The following DNMBP variants were observed in gnomAD, a reference collection of about 807,000 sequenced individuals.
The protein encoded by DNMBP is dynamin-binding protein.
Under a neutral mutation model 150.0 loss-of-function variants are expected in DNMBP, and 87 were observed. That is an observed-to-expected ratio of 0.58 (90% CI 0.49 to 0.69). DNMBP has a LOEUF of 0.69. DNMBP is among the 30% of genes least tolerant of loss of function. The pLI is 0.00. For synonymous variants in DNMBP, 711 were observed against 750.4 expected (o/e 0.95, Z 0.86); for missense variants, 1,774 against 1,949.0 (o/e 0.91, Z 1.69).
At chr10:99,888,787 T>G in intron 12 of DNMBP, 38 bp downstream of exon 12, 1 of 1,612,488 alleles carries the variant, frequency 6.2e-7, no homozygotes, top group Non-Finnish European at 8.5e-7. Context: ...GAGATGACCC[T>G]GGGAAGGGGG....
chr10:99,915,101 A>AG (rs2039946711), intron 4 of DNMBP, among the ~76,000 whole-genome samples: 1 of 107,908 alleles, frequency 9.3e-6, no homozygotes, highest in Non-Finnish European at 1.9e-5. Context: ...TCTCAAAAAA[A>AG]AAAAAAAATA....
At chr10:99,894,783 A>G (rs147019175) in intron 11 of DNMBP, among the ~76,000 whole-genome samples, 163 bp downstream of exon 11, 9 of 152,344 alleles carry the variant, frequency 5.9e-5, no homozygotes, top group African/African-American at 2.2e-4. Flanking sequence ...AAATGCTATT[A>G]CTGTTAAATA....
At chr10:99,933,449 T>C (rs962637889) in intron 4 of DNMBP, among the ~76,000 whole-genome samples, 4 of 152,232 alleles carry the variant, frequency 2.6e-5, no homozygotes, top group Admixed American at 2.6e-4. Context: ...CATCAGGTAA[T>C]AAAGCTTATC....
At chr10:99,879,101 A>AAAAAAAAAAAAAAAAAAAAAAAAAAACC in intron 16 of DNMBP, among the ~76,000 whole-genome samples, 1 of 135,166 alleles carries the variant, frequency 7.4e-6, no homozygotes, top group East Asian at 2.0e-4. Flanking sequence ...AAAAAAAAAA[A>AAAAAAAAAAAAAAAAAAAAAAAAAAACC]CCCAAAACGT....
intron 1 of DNMBP, among the ~76,000 whole-genome samples, chr10:99,979,049 G>C (rs2040757192): frequency 6.6e-6 from 1 of 152,106 alleles, no homozygotes; most frequent in South Asian, 2.1e-4. Flanking sequence ...ACAGTTGGAT[G>C]AGAATTTACA....
intron 4 of DNMBP, among the ~76,000 whole-genome samples, chr10:99,952,623 G>T (rs949800219): frequency 6.6e-6 from 1 of 152,092 alleles, no homozygotes; most frequent in South Asian, 2.1e-4. Flanking sequence ...CCCTCCTACC[G>T]CACCATCTCT....
rs139448354 is a variant in DNMBP, at chr10:100,009,196, G to A, written c.-11+642C>T. Among the ~76,000 whole-genome samples, 25 of 152,270 alleles carry A rather than the reference G, an allele frequency of 1.6e-4. No individual in the cohort carries two copies. The East Asian group carries it at 4.5e-3, about 27-fold the overall frequency. ...AGTCTATACTCCTCATCTGCATCAGGCCCCGGCCTGTTTGGTAACCTCAAT... is the reference window on the plus strand; with the variant it reads ...AGTCTATACTCCTCATCTGCATCAGACCCCGGCCTGTTTGGTAACCTCAAT... On this transcript the variant is annotated intron_variant, in intron 1 of 16. Transcript: ENST00000324109.
chr10:99,891,802 G>A (rs1300501769), intron 11 of DNMBP, among the ~76,000 whole-genome samples: 5 of 150,920 alleles, frequency 3.3e-5, no homozygotes, highest in East Asian at 2.0e-4. Context: ...CGTCTGAGAC[G>A]TGGGGAGCGC....
chr10:99,941,265 TC>T (rs2040297757), intron 4 of DNMBP, among the ~76,000 whole-genome samples: 1 of 152,134 alleles, frequency 6.6e-6, no homozygotes, highest in African/African-American at 2.4e-5. Flanking sequence ...CTGGCCCATC[TC>T]CCTTGTCTTC....
intron 1 of DNMBP, among the ~76,000 whole-genome samples, chr10:99,999,377 A>T (rs1055276860): frequency 5.3e-5 from 8 of 152,240 alleles, no homozygotes; most frequent in Admixed American, 3.9e-4. Context: ...GAAGATTCTA[A>T]CAGCACCTTC....
At chr10:99,915,049 G>A (rs1053361646) in intron 4 of DNMBP, among the ~76,000 whole-genome samples, 3 of 140,786 alleles carry the variant, frequency 2.1e-5, no homozygotes, top group African/African-American at 8.0e-5. Flanking sequence ...AGCCGAGATC[G>A]TACCATTGCA....
chr10:99,880,961 C>T (rs1446737256), intron 15 of DNMBP, among the ~76,000 whole-genome samples: 1 of 152,196 alleles, frequency 6.6e-6, no homozygotes, highest in Non-Finnish European at 1.5e-5. Flanking sequence ...TACAGTGGCT[C>T]ATACCTGTAA....
intron 4 of DNMBP, among the ~76,000 whole-genome samples, chr10:99,944,007 T>C (rs2040330473): frequency 6.6e-6 from 1 of 152,198 alleles, no homozygotes; most frequent in Admixed American, 6.5e-5. Context: ...CTGGTCAACC[T>C]TCCTTTGACA....
intron 4 of DNMBP, among the ~76,000 whole-genome samples, chr10:99,924,642 G>C (rs536723564): frequency 6.6e-6 from 1 of 152,164 alleles, no homozygotes; most frequent in Non-Finnish European, 1.5e-5. Context: ...ACAATGCCAA[G>C]TACAGACATT....
intron 2 of DNMBP, among the ~76,000 whole-genome samples, chr10:99,971,467 G>T (rs936827291): frequency 1.3e-5 from 2 of 151,908 alleles, no homozygotes; most frequent in African/African-American, 2.4e-5. Flanking sequence ...GCCTCCCAAA[G>T]TGCTGGGATT....
rs754099553 is a variant in DNMBP at position 99,955,494 on chromosome 10, G to T, written c.1980C>A (p.Pro660=). 6.2e-7 allele frequency: 1 copy of T among 1,600,614 alleles called. No homozygotes were observed. Residue 660 remains proline, a synonymous_variant, in exon 4 of 17, where the codon CCC becomes CCA. Coordinates refer to ENST00000324109, the MANE Select transcript of DNMBP (RefSeq NM_015221.4). The part of the protein sequence containing the change: ...SAQQRTNAVS[P]KLLSRHRPTC... ...TAGGACGGTGTCGAGATAGGAGCTTGGGGGATACCGCATTCGTTCTCTGCT... is the reference window on the plus strand; with the variant it reads ...TAGGACGGTGTCGAGATAGGAGCTTTGGGGATACCGCATTCGTTCTCTGCT...
Position 99,896,313 on chromosome 10 carries a change from T to C in DNMBP, c.3005A>G (p.Asn1002Ser), listed in dbSNP as rs907742150. ...ATGCTTCAGGTGACTGCTAACTCGG[T>C]TGGATTTCTTGATGATGGAGTGGAT... ...LNIHSIIKKS[N>S]RVSSHLKHLT... The change falls in exon 10 of 17, where the codon AAC becomes AGC. Residue 1002 changes from asparagine to serine, a missense_variant. Physicochemically the swap from Asn to Ser is conservative, Grantham distance 46. Coordinates refer to ENST00000324109, the MANE Select transcript of DNMBP (RefSeq NM_015221.4). 11 of 1,613,952 alleles carry C rather than the reference T, an allele frequency of 6.8e-6. No homozygotes were observed. The highest frequency in any genetic ancestry group is 6.7e-5 in the Admixed American group (4 of 59,980).
At position 99,926,793 on chromosome 10, in the gene DNMBP, G is replaced by C. The variant is rs886117224; in HGVS notation, c.2261-17647C>G. Among the ~76,000 whole-genome samples the C allele has an allele frequency of 4.6e-5, 7 of 152,270 alleles. 1 individual carries two copies. The highest frequency in any genetic ancestry group is 6.5e-5 in the Admixed American group (1 of 15,284). The stretch of plus-strand genomic sequence containing the variant: ...CTCCAAGGAACCCCGTGGAAAGCTG[G>C]AGGCCAGAAGAGCCCAGCAGATAGA... On this transcript the variant is annotated intron_variant, in intron 4 of 16. Transcript: ENST00000324109.
intron 15 of DNMBP, among the ~76,000 whole-genome samples, chr10:99,882,312 T>C (rs1421196347): frequency 6.6e-6 from 1 of 152,188 alleles, no homozygotes. Flanking sequence ...AAGGTTACTA[T>C]AGCTAATGAT....
Sources: allele counts gnomAD v4.1 joint callset (sites outside exome capture counted in the v4.1 genomes callset), GRCh38; gene constraint gnomAD v4.1.1; transcripts MANE v1.5; gene names NCBI Gene and HGNC (gene_info 2026-07-23, HGNC 2026-07-21).